VPS13C: variants seen among roughly 807,000 people sequenced by gnomAD.
VPS13C encodes the protein intermembrane lipid transfer protein VPS13C.
Under a neutral mutation model 456.8 loss-of-function variants are expected in VPS13C, and 358 were observed. The observed-to-expected ratio is 0.78, with a 90% CI of 0.72 to 0.86. The LOEUF (loss-of-function observed/expected upper bound fraction) is 0.86, where lower values mean the gene tolerates loss of function less well. Ranked by LOEUF, VPS13C falls within the 40% of genes least tolerant of loss-of-function variation. VPS13C has a pLI of 0.00. For synonymous variants in VPS13C, 1,578 were observed against 1,486.7 expected, an observed-to-expected ratio of 1.06 and a Z score of -1.41; for missense variants, 4,818 against 4,385.4, an observed-to-expected ratio of 1.10 and a Z score of -2.79.
At chr15:61,878,829 C>A in intron 73 of VPS13C, 83 bp from the exon 74 acceptor site, 6 of 1,425,706 alleles carry the variant, frequency 4.2e-6, no homozygotes, top group Non-Finnish European at 4.6e-6. Flanking sequence ...CAGAAACAAA[C>A]CAAAAAAAGT....
chr15:61,870,914 G>T (rs1894975472), intron 79 of VPS13C, among the ~76,000 whole-genome samples: 1 of 151,904 alleles, frequency 6.6e-6, no homozygotes, highest in African/African-American at 2.4e-5. Context: ...TATCTTCTTT[G>T]GAGAAATGTC....
At chr15:61,881,473 GAA>G in intron 71 of VPS13C, 88 bp downstream of exon 71, 2 of 1,321,330 alleles carry the variant, frequency 1.5e-6, no homozygotes, top group South Asian at 3.1e-5. Context: ...CTTTTTACAT[GAA>G]AGTCACTTTC....
At chr15:61,994,030 A>G (rs918140725) in intron 16 of VPS13C, among the ~76,000 whole-genome samples, 12 of 152,318 alleles carry the variant, frequency 7.9e-5, no homozygotes, top group African/African-American at 2.9e-4. Flanking sequence ...AGACGGATGC[A>G]GAGCGCTTTC....
intron 60 of VPS13C, among the ~76,000 whole-genome samples, chr15:61,916,952 A>G (rs540001761): frequency 8.5e-5 from 13 of 152,264 alleles, no homozygotes; most frequent in South Asian, 4.2e-4. Context: ...TTCTTAATTT[A>G]AGGAAGATAC....
At position 62,001,008 on chromosome 15, in the gene VPS13C, C is replaced by T. The variant is rs548695951; in HGVS notation, c.1291-382G>A. On this transcript the variant is annotated intron_variant, in intron 15 of 84. Coordinates refer to ENST00000644861, the MANE Select transcript of VPS13C (RefSeq NM_020821.3). ...TATCATTACATAGCCATTGTACTAA[C>T]GGTGACATTACAAAACACATAATAT... is the stretch of plus-strand genomic sequence containing the variant. Among the ~76,000 whole-genome samples the T allele has an allele frequency of 4.6e-5, 7 of 152,224 alleles. 1 individual carries two copies. The highest frequency in any genetic ancestry group is 1.4e-4 in the African/African-American group (6 of 41,540).
chr15:61,962,910 C>A, intron 32 of VPS13C, 58 bp from the exon 33 acceptor site: 1 of 1,190,002 alleles, frequency 8.4e-7, no homozygotes. Flanking sequence ...TAAGATCTTT[C>A]TTTCCATTAC....
Position 61,951,021 on chromosome 15 carries a change from G to T in VPS13C, c.4460C>A (p.Ser1487Tyr). The T allele has an allele frequency of 6.3e-7, 1 of 1,576,530 alleles. No individual in the cohort carries two copies. Among genetic ancestry groups the T allele is most frequent in the African/African-American group, 1.4e-5 (1 of 73,298 alleles). The change falls in exon 40 of 85, where the codon TCT becomes TAT. Residue 1487 changes from serine to tyrosine, a missense_variant. This residue lies in a region of VPS13C where 4,552 missense variants were observed against 4,130.6 expected (regional missense o/e 1.10). Transcript: ENST00000644861. ...AATAATGTGAAGAGGTTCCCCTTTA[G>T]AGTCTAAAAGAGAAAAAAGACAAAG... is the stretch of plus-strand genomic sequence containing the variant. ...ISMQCFDFTD[S>Y]KGEPLHIINS... is the part of the protein sequence containing the mutation.
rs201152407 is a variant in VPS13C, at chr15:61,966,183, C to T, written c.2992-41G>A. Reference sequence around the variant, plus strand: ...AAAGTTCTAAAGAAGGTACTAGGATCGAAGTAAATAAATCACTTATTTATT... The same window carrying T: ...AAAGTTCTAAAGAAGGTACTAGGATTGAAGTAAATAAATCACTTATTTATT... On this transcript the variant is annotated intron_variant, in intron 29 of 84. Coordinates refer to ENST00000644861, the MANE Select transcript of VPS13C (RefSeq NM_020821.3). 389 of 1,421,888 alleles carry T rather than the reference C, an allele frequency of 2.7e-4. 1 individual carries two copies. The African/African-American group carries it at 4.8e-3, about 18-fold the overall frequency. 88.1% of individuals were successfully genotyped at this position (1,421,888 alleles called of 1,614,324 possible).
Position 61,977,211 on chromosome 15 carries a change from A to G in VPS13C, c.2291-12T>C, listed in dbSNP as rs760203541. 1 of 1,449,584 alleles carries G rather than the reference A, an allele frequency of 6.9e-7. No homozygotes were observed. The highest frequency in any genetic ancestry group is 9.3e-7 in the Non-Finnish European group (1 of 1,076,352). The allele number at this position is 1,449,584 out of a possible 1,614,324, so 89.8% of individuals were successfully genotyped here. A position where few individuals can be genotyped will look rare whatever the true frequency, so the allele number is the denominator to read the frequency against. Reference sequence around the variant, plus strand: ...TTTCCAGGTTTCCTCTTTAAAAAATAATTTAAGATATTATTTATTATTTTT... The same window carrying G: ...TTTCCAGGTTTCCTCTTTAAAAAATGATTTAAGATATTATTTATTATTTTT... On this transcript the variant is annotated splice_polypyrimidine_tract_variant and intron_variant, in intron 23 of 84. Coordinates refer to ENST00000644861, the MANE Select transcript of VPS13C (RefSeq NM_020821.3).
chr15:62,023,671 C>T (rs1257379905), intron 7 of VPS13C, 109 bp downstream of exon 7: 1 of 1,261,704 alleles, frequency 7.9e-7, no homozygotes, highest in Admixed American at 2.4e-5. Context: ...CAACTTAAAA[C>T]TTGTTTTTGA....
At chr15:61,885,784 T>A (rs1399928298) in intron 67 of VPS13C, among the ~76,000 whole-genome samples, 1 of 152,142 alleles carries the variant, frequency 6.6e-6, no homozygotes, top group Non-Finnish European at 1.5e-5. Flanking sequence ...ATCTTCAGGT[T>A]GTACTGAATT....
chr15:61,971,051 T>C (rs1012277477), intron 27 of VPS13C, among the ~76,000 whole-genome samples: 3 of 152,080 alleles, frequency 2.0e-5, no homozygotes, highest in South Asian at 2.1e-4. Flanking sequence ...TAATGGCACA[T>C]GATCAATACC....
At chr15:61,969,536 C>T in intron 27 of VPS13C, 84 bp from the exon 28 acceptor site, 3 of 904,420 alleles carry the variant, frequency 3.3e-6, no homozygotes, top group Non-Finnish European at 4.6e-6. Flanking sequence ...TCTCCATACA[C>T]ATCACCATGA....
rs556476201 is a variant in VPS13C, at chr15:61,945,671, T to C, written c.5148+44A>G. 6 of 1,476,968 alleles carry C rather than the reference T, an allele frequency of 4.1e-6. No individual in the cohort carries two copies. In the South Asian group the frequency reaches 7.0e-5, roughly 17 times the overall value. 91.5% of individuals were successfully genotyped at this position (1,476,968 alleles called of 1,614,324 possible). A position where few individuals can be genotyped will look rare whatever the true frequency, so the allele number is the denominator to read the frequency against. On this transcript the variant is annotated intron_variant, in intron 45 of 84. Transcript: ENST00000644861. ...CTAGGTTCAGTTGTATAAGCAAAGA[T>C]ATTTAGGCCTCAGTGAGGAATAAAT...
intron 67 of VPS13C, among the ~76,000 whole-genome samples, chr15:61,886,374 T>C (rs1405078419): frequency 6.6e-6 from 1 of 152,160 alleles, no homozygotes; most frequent in East Asian, 1.9e-4. Context: ...TGTAGTTCCA[T>C]AACATAATAA....
intron 3 of VPS13C, among the ~76,000 whole-genome samples, chr15:62,037,287 A>AT (rs1190467031): frequency 3.9e-5 from 2 of 51,326 alleles, no homozygotes; most frequent in Non-Finnish European, 6.6e-5. Context: ...TATTATATAT[A>AT]TTATATTATA....
At chr15:61,987,040 G>A (rs962207393) in intron 18 of VPS13C, among the ~76,000 whole-genome samples, 1 of 151,970 alleles carries the variant, frequency 6.6e-6, no homozygotes, top group Non-Finnish European at 1.5e-5. Flanking sequence ...GACAAAGAAA[G>A]GAATTATGTG....
chr15:62,006,439 A>AT (rs1293686579), intron 15 of VPS13C, among the ~76,000 whole-genome samples: 1 of 152,020 alleles, frequency 6.6e-6, no homozygotes, highest in Non-Finnish European at 1.5e-5. Flanking sequence ...TGAACTCATC[A>AT]TTTTTTATGG....
Position 61,913,425 on chromosome 15 carries a change from A to G in VPS13C, c.8446-10T>C, listed in dbSNP as rs753158176. Reference sequence around the variant, plus strand: ...AAATTTTTAATTGTACCTATACCAGAGAGCACATATCGTCATATAAGAAAT... The same window carrying G: ...AAATTTTTAATTGTACCTATACCAGGGAGCACATATCGTCATATAAGAAAT... On this transcript the variant is annotated splice_polypyrimidine_tract_variant and intron_variant, in intron 61 of 84. Coordinates refer to ENST00000644861, the MANE Select transcript of VPS13C (RefSeq NM_020821.3). 1.2e-6 allele frequency: 2 copies of G among 1,602,630 alleles called. No individual in the cohort carries two copies. Among genetic ancestry groups the G allele is most frequent in the Non-Finnish European group, 1.7e-6 (2 of 1,169,952 alleles).
Sources: allele counts gnomAD v4.1 joint callset (sites outside exome capture counted in the v4.1 genomes callset), GRCh38; gene constraint gnomAD v4.1.1; regional missense constraint gnomAD v4.1.1; transcripts MANE v1.5; gene names NCBI Gene and HGNC (gene_info 2026-07-23, HGNC 2026-07-21).